SCAPER: variants seen among roughly 807,000 people sequenced by gnomAD.
The protein encoded by SCAPER is S phase cyclin A-associated protein in the endoplasmic reticulum.
Under a neutral mutation model 182.2 loss-of-function variants are expected in SCAPER, and 98 were observed. The observed-to-expected ratio is 0.54, with a 90% CI of 0.46 to 0.64. SCAPER has a LOEUF of 0.64. SCAPER is among the 30% of genes least tolerant of loss of function. The pLI is 0.00. For missense variants in SCAPER, 1,432 were observed against 1,690.0 expected, an observed-to-expected ratio of 0.85 and a Z score of 2.68; for synonymous variants, 605 against 564.6, an observed-to-expected ratio of 1.07 and a Z score of -1.01.
intron 20 of SCAPER, among the ~76,000 whole-genome samples, chr15:76,669,971 A>G (rs2056895764): frequency 6.6e-6 from 1 of 152,222 alleles, no homozygotes. Context: ...CTAAACAAAA[A>G]AACTTGGACT....
At chr15:76,476,141 T>G (rs2050608269) in intron 24 of SCAPER, among the ~76,000 whole-genome samples, 1 of 152,228 alleles carries the variant, frequency 6.6e-6, no homozygotes, top group African/African-American at 2.4e-5. Context: ...GAGGCTTTCC[T>G]GCAGCAGCAT....
chr15:76,735,362 G>A (rs1357977005), intron 15 of SCAPER, among the ~76,000 whole-genome samples: 6 of 151,916 alleles, frequency 3.9e-5, no homozygotes, highest in Non-Finnish European at 8.8e-5. Context: ...AACAGAGTGA[G>A]ACCCTGTCTC....
At chr15:76,521,398 A>AT (rs1397907541) in intron 23 of SCAPER, among the ~76,000 whole-genome samples, 2 of 151,298 alleles carry the variant, frequency 1.3e-5, no homozygotes, top group Non-Finnish European at 3.0e-5. Flanking sequence ...TCAGAAAAAA[A>AT]AACCCCAAAT....
At chr15:76,367,746 T>C (rs1156849985) in intron 29 of SCAPER, among the ~76,000 whole-genome samples, 1 of 152,154 alleles carries the variant, frequency 6.6e-6, no homozygotes, top group Non-Finnish European at 1.5e-5. Flanking sequence ...AAATAAAAGG[T>C]ATCTTTTATT....
At chr15:76,628,104 G>C (rs1477124608) in intron 21 of SCAPER, among the ~76,000 whole-genome samples, 1 of 152,166 alleles carries the variant, frequency 6.6e-6, no homozygotes, top group East Asian at 1.9e-4. Flanking sequence ...AGAAGTGTCT[G>C]TTCATGTCCT....
chr15:76,753,621 T>C (rs1291146263), intron 15 of SCAPER, among the ~76,000 whole-genome samples, 187 bp downstream of exon 15: 5 of 151,954 alleles, frequency 3.3e-5, no homozygotes, highest in African/African-American at 4.8e-5. Context: ...AAAATAATAA[T>C]AGATGGCTCA....
intron 20 of SCAPER, among the ~76,000 whole-genome samples, chr15:76,668,172 C>A (rs954526097): frequency 2.0e-5 from 3 of 152,128 alleles, no homozygotes; most frequent in African/African-American, 7.2e-5. Context: ...CCTATCAGTT[C>A]TCTTTTCATA....
chr15:76,355,707 G>A (rs915376553), intron 29 of SCAPER, among the ~76,000 whole-genome samples: 2 of 152,210 alleles, frequency 1.3e-5, no homozygotes, highest in East Asian at 1.9e-4. Context: ...CTGGTGCCTG[G>A]CATATCAGCA....
chr15:76,563,992 A>G (rs572002133), intron 23 of SCAPER, among the ~76,000 whole-genome samples: 2 of 152,330 alleles, frequency 1.3e-5, no homozygotes, highest in South Asian at 4.1e-4. Context: ...CTCTCAATAA[A>G]GTAGGTATTA....
chr15:76,895,450 C>T (rs1485623527), intron 1 of SCAPER, among the ~76,000 whole-genome samples: 2 of 150,416 alleles, frequency 1.3e-5, no homozygotes, highest in Non-Finnish European at 1.5e-5. Flanking sequence ...AGCTTTTCCT[C>T]TAAGATCAAC....
At chr15:76,649,187 T>C (rs1488684868) in intron 21 of SCAPER, among the ~76,000 whole-genome samples, 2 of 152,198 alleles carry the variant, frequency 1.3e-5, no homozygotes, top group Admixed American at 1.3e-4. Context: ...TCCATGTCCT[T>C]AGTTTTCTTG....
At chr15:76,579,234 C>G (rs1177195237) in intron 22 of SCAPER, among the ~76,000 whole-genome samples, 2 of 123,172 alleles carry the variant, frequency 1.6e-5, no homozygotes, top group African/African-American at 6.1e-5. Context: ...CCACTGCACT[C>G]CAGCCTGGGT....
At chr15:76,408,883 T>C (rs1055598305) in intron 26 of SCAPER, among the ~76,000 whole-genome samples, 1 of 152,098 alleles carries the variant, frequency 6.6e-6, no homozygotes, top group Non-Finnish European at 1.5e-5. Context: ...TTAGCTAGGT[T>C]TCCGGTACCA....
At chr15:76,769,885 C>T (rs2063352305) in intron 10 of SCAPER, among the ~76,000 whole-genome samples, 2 of 152,152 alleles carry the variant, frequency 1.3e-5, no homozygotes, top group South Asian at 2.1e-4. Flanking sequence ...AATCATTCTA[C>T]GATAAAGACA....
At chr15:76,846,374 C>T (rs1408059864) in intron 4 of SCAPER, among the ~76,000 whole-genome samples, 1 of 151,914 alleles carries the variant, frequency 6.6e-6, no homozygotes, top group East Asian at 1.9e-4. Flanking sequence ...AAAAAAACTT[C>T]TGCACAGCAA....
At chr15:76,462,396 T>A (rs922587820) in intron 25 of SCAPER, among the ~76,000 whole-genome samples, 1 of 152,190 alleles carries the variant, frequency 6.6e-6, no homozygotes, top group Non-Finnish European at 1.5e-5. Context: ...CTGGGTCATC[T>A]TCTATGATGT....
Position 76,620,563 on chromosome 15 carries a change from T to G in SCAPER, c.2711+1201A>C, listed in dbSNP as rs533398554. ...TAATAAATAAAAGTAGTAAGCTGAC[T>G]GGTATCTTTTGACAGGCAAGAATAT... On this transcript the variant is annotated intron_variant, in intron 22 of 31. Coordinates refer to ENST00000563290, the MANE Select transcript of SCAPER (RefSeq NM_020843.4). Among the ~76,000 whole-genome samples the G allele has an allele frequency of 2.0e-5, 3 of 152,346 alleles. No homozygotes were observed. The South Asian group carries it at 6.2e-4, about 32-fold the overall frequency.
At position 76,722,321 on chromosome 15, in the gene SCAPER, C is replaced by T. The variant is rs561153883; in HGVS notation, c.2165+6274G>A. Among the ~76,000 whole-genome samples the T allele has an allele frequency of 2.8e-3, 428 of 152,196 alleles. 3 individuals are homozygous for T. Among genetic ancestry groups the T allele is most frequent in the South Asian group, 0.015 (74 of 4,830 alleles). The stretch of plus-strand genomic sequence containing the variant: ...AAGCTTTTCGATGTGTTGCTGGATT[C>T]GGTTTGCCAGTATTTTATTGAGGAT... On this transcript the variant is annotated intron_variant, in intron 17 of 31. Transcript: ENST00000563290.
chr15:76,589,204 G>A (rs1415671322), intron 22 of SCAPER, among the ~76,000 whole-genome samples: 1 of 152,160 alleles, frequency 6.6e-6, no homozygotes, highest in African/African-American at 2.4e-5. Flanking sequence ...CTCCTGCCAG[G>A]AGGTGGCATT....
Sources: allele counts gnomAD v4.1 joint callset (sites outside exome capture counted in the v4.1 genomes callset), GRCh38; gene constraint gnomAD v4.1.1; transcripts MANE v1.5; gene names NCBI Gene and HGNC (gene_info 2026-07-23, HGNC 2026-07-21).